The following SLC35F4 variants were observed in gnomAD, a reference collection of about 807,000 sequenced individuals.
SLC35F4 encodes the protein solute carrier family 35 member F4, also known as chromosome 14 open reading frame 36.
In SLC35F4, 24 loss-of-function variants were observed where a neutral mutation model predicts 44.2. That is an observed-to-expected ratio of 0.54 (90% CI 0.39 to 0.76). The LOEUF is 0.76. SLC35F4 is among the 30% of genes least tolerant of loss of function. The probability of loss-of-function intolerance (pLI) is 0.00; values close to 1 mark genes in which losing one functional copy is unlikely to be tolerated. For synonymous variants in SLC35F4, 238 were observed against 223.6 expected, an observed-to-expected ratio of 1.06 and a Z score of -0.57; for missense variants, 562 against 586.1, an observed-to-expected ratio of 0.96 and a Z score of 0.42.
At chr14:57,582,940 A>G (rs1228833839) in intron 3 of SLC35F4, among the ~76,000 whole-genome samples, 2 of 152,248 alleles carry the variant, frequency 1.3e-5, no homozygotes, top group Non-Finnish European at 2.9e-5. Context: ...GTGACTTTCA[A>G]CTGGATGAGA....
At chr14:57,746,947 A>G (rs1002534355) in intron 1 of SLC35F4, among the ~76,000 whole-genome samples, 1 of 152,178 alleles carries the variant, frequency 6.6e-6, no homozygotes, top group East Asian at 1.9e-4. Flanking sequence ...TCTACCTGCC[A>G]TCTCCTGCCC....
At position 57,746,439 on chromosome 14, in the gene SLC35F4, A is replaced by G. The variant is rs142662603; in HGVS notation, c.103+119284T>C. On this transcript the variant is annotated intron_variant, in intron 1 of 7. Transcript: ENST00000556826. ...CATATTATTTTTCTCTTTGCTAACA[A>G]TGTGGGTAACATTGAATTGACTTTC... Among the ~76,000 whole-genome samples the G allele has an allele frequency of 2.8e-4, 42 of 152,238 alleles. 1 individual carries two copies. The East Asian group carries it at 7.3e-3, about 27-fold the overall frequency.
chr14:57,832,241 G>A (rs776781762), intron 1 of SLC35F4, among the ~76,000 whole-genome samples: 3 of 139,158 alleles, frequency 2.2e-5, no homozygotes, highest in Admixed American at 7.2e-5. Context: ...TCTGCCTTCC[G>A]CAGACTCAGT....
At chr14:57,931,716 T>TGGTTGC (rs1762513560) in intron 1 of SLC35F4, among the ~76,000 whole-genome samples, 1 of 152,200 alleles carries the variant, frequency 6.6e-6, no homozygotes, top group Admixed American at 6.5e-5. Flanking sequence ...CTCCAATCAC[T>TGGTTGC]GGTTGCCAAT....
intron 1 of SLC35F4, among the ~76,000 whole-genome samples, chr14:57,607,964 TA>T (rs1484251453): frequency 6.6e-6 from 1 of 152,140 alleles, no homozygotes; most frequent in African/African-American, 2.4e-5. Context: ...ACTGAATTGA[TA>T]AAACACCATT....
chr14:57,930,280 C>A (rs1244473747), intron 1 of SLC35F4, among the ~76,000 whole-genome samples: 1 of 152,140 alleles, frequency 6.6e-6, no homozygotes, highest in Admixed American at 6.5e-5. Context: ...CGTGGACAGA[C>A]CCAGGCTAAG....
At chr14:57,621,100 C>T (rs914365351) in intron 1 of SLC35F4, among the ~76,000 whole-genome samples, 17 of 151,752 alleles carry the variant, frequency 1.1e-4, no homozygotes, top group African/African-American at 3.9e-4. Context: ...CCTAGGAATC[C>T]ACCTTACAAG....
intron 1 of SLC35F4, among the ~76,000 whole-genome samples, chr14:57,631,785 T>C (rs1444440354): frequency 6.6e-6 from 1 of 152,152 alleles, no homozygotes; most frequent in Non-Finnish European, 1.5e-5. Flanking sequence ...TTATAATTTC[T>C]AGTATTTCTC....
At chr14:57,740,431 T>G (rs1033733277) in intron 1 of SLC35F4, among the ~76,000 whole-genome samples, 1 of 152,196 alleles carries the variant, frequency 6.6e-6, no homozygotes, top group Admixed American at 6.5e-5. Flanking sequence ...TACTTAAACT[T>G]TACTCACAGA....
chr14:57,911,997 T>C (rs1889225206), intron 1 of SLC35F4, among the ~76,000 whole-genome samples: 1 of 152,006 alleles, frequency 6.6e-6, no homozygotes, highest in Admixed American at 6.5e-5. Flanking sequence ...TCCTGTTGTA[T>C]GAATTTCAGC....
intron 1 of SLC35F4, among the ~76,000 whole-genome samples, chr14:57,827,097 T>A (rs1179573002): frequency 6.6e-6 from 1 of 151,608 alleles, no homozygotes; most frequent in Non-Finnish European, 1.5e-5. Context: ...AGCAAAGACA[T>A]GGAATCAACC....
At chr14:57,982,735 T>C (rs1881420314), upstream of SLC35F4, among the ~76,000 whole-genome samples, 1 of 152,114 alleles carries the variant, frequency 6.6e-6, no homozygotes, top group African/African-American at 2.4e-5. Context: ...ATTATTATAC[T>C]TTAAGTTCTG....
At chr14:57,721,478 C>T (rs75834734) in intron 1 of SLC35F4, among the ~76,000 whole-genome samples, 259 of 152,144 alleles carry the variant, frequency 1.7e-3, no homozygotes, top group African/African-American at 6.1e-3. Flanking sequence ...AGATACTGAC[C>T]CTCAAATCTG....
chr14:57,943,313 G>A (rs1009034374), intron 1 of SLC35F4, among the ~76,000 whole-genome samples: 2 of 152,106 alleles, frequency 1.3e-5, no homozygotes, highest in Admixed American at 1.3e-4. Flanking sequence ...GTTTACTGAC[G>A]GCTCAGCAAA....
At chr14:57,944,536 C>G (rs1889973365) in intron 1 of SLC35F4, among the ~76,000 whole-genome samples, 1 of 151,912 alleles carries the variant, frequency 6.6e-6, no homozygotes, top group Non-Finnish European at 1.5e-5. Flanking sequence ...TTATTATTAA[C>G]TCCTCAAAAT....
At chr14:57,737,524 G>A (rs1359501833) in intron 1 of SLC35F4, among the ~76,000 whole-genome samples, 1 of 152,208 alleles carries the variant, frequency 6.6e-6, no homozygotes, top group Non-Finnish European at 1.5e-5. Flanking sequence ...GGAGTTAATA[G>A]CAAGGCTGCA....
In SLC35F4 at chr14:57,783,356, T is replaced by A. The variant is rs188340656; in HGVS notation, c.103+82367A>T. ...AAAATTATTGAAGAAAAAGGATAACTGTCTGAACACGTTTATAATGCAGAC... is the reference window on the plus strand; with the variant it reads ...AAAATTATTGAAGAAAAAGGATAACAGTCTGAACACGTTTATAATGCAGAC... On this transcript the variant is annotated intron_variant, in intron 1 of 7. Coordinates refer to ENST00000556826, the MANE Select transcript of SLC35F4 (RefSeq NM_001306087.2). 3.3e-5 allele frequency among the ~76,000 whole-genome samples: 5 copies of A among 151,834 alleles called. No individual in the cohort carries two copies. In the East Asian group the frequency reaches 9.7e-4, roughly 29 times the overall value.
At chr14:57,883,123 G>T (rs900368589) in intron 1 of SLC35F4, among the ~76,000 whole-genome samples, 3 of 152,088 alleles carry the variant, frequency 2.0e-5, no homozygotes, top group Non-Finnish European at 4.4e-5. Context: ...AGAAGAATGC[G>T]ACATGGAACA....
intron 1 of SLC35F4, among the ~76,000 whole-genome samples, chr14:57,779,025 G>T (rs997913606): frequency 2.0e-5 from 3 of 151,972 alleles, no homozygotes; most frequent in African/African-American, 7.2e-5. Flanking sequence ...AAGTTAAAAA[G>T]ATATCAAGTT....
Sources: allele counts gnomAD v4.1 joint callset (sites outside exome capture counted in the v4.1 genomes callset), GRCh38; gene constraint gnomAD v4.1.1; transcripts MANE v1.5; gene names NCBI Gene and HGNC (gene_info 2026-07-23, HGNC 2026-07-21).